Variants in CACNA1I observed in about 807,000 individuals in gnomAD.
CACNA1I encodes the protein voltage-dependent T-type calcium channel subunit alpha-1I.
In CACNA1I, 74 loss-of-function variants were observed where a neutral mutation model predicts 201.6. The observed-to-expected ratio is 0.37, with a 90% CI of 0.30 to 0.45. CACNA1I has a LOEUF of 0.45. CACNA1I is among the 20% of genes least tolerant of loss of function. CACNA1I has a pLI of 1.00. For missense variants in CACNA1I, 2,346 were observed against 3,138.1 expected (o/e 0.75, Z 6.03); for synonymous variants, 1,431 against 1,345.2 (o/e 1.06, Z -1.40).
In CACNA1I at chr22:39,662,325, G is replaced by A. The variant is rs758299547; in HGVS notation, c.3262G>A (p.Ala1088Thr). ...PRAAWRAAGP[A>T]PGHEDCNGRM... Reference sequence around the variant, plus strand: ...GGCCGCCTGGAGGGCGGCAGGCCCGGCCCCCGGGCATGAGGACTGCAATGG... The same window carrying A: ...GGCCGCCTGGAGGGCGGCAGGCCCGACCCCCGGGCATGAGGACTGCAATGG... The change falls in exon 17 of 37, where the codon GCC becomes ACC. Residue 1088 changes from alanine to threonine, a missense_variant. By Grantham distance (58) the Ala-to-Thr change is moderately conservative. Around this residue, in one of 13 missense-constraint regions of CACNA1I, gnomAD observed 288 missense variants for 255.2 expected, o/e 1.13. Transcript: ENST00000402142. 4.1e-6 allele frequency: 6 copies of A among 1,478,482 alleles called. No individual in the cohort carries two copies. In the South Asian group the frequency reaches 8.0e-5, roughly 20 times the overall value. The allele number at this position is 1,478,482 out of a possible 1,614,324, so 91.6% of individuals were successfully genotyped here.
At chr22:39,674,248 CTG>C (rs1244405859) in intron 29 of CACNA1I, among the ~76,000 whole-genome samples, 1 of 152,214 alleles carries the variant, frequency 6.6e-6, no homozygotes, top group Non-Finnish European at 1.5e-5. Context: ...CAGTGCCACT[CTG>C]TGTCCAGCCC....
At chr22:39,574,269 C>T (rs1405152644) in intron 1 of CACNA1I, among the ~76,000 whole-genome samples, 1 of 152,184 alleles carries the variant, frequency 6.6e-6, no homozygotes, top group African/African-American at 2.4e-5. Context: ...GGCTGTGATG[C>T]TGTGTGCCTA....
chr22:39,616,513 C>A (rs1933541708), intron 3 of CACNA1I, among the ~76,000 whole-genome samples: 1 of 151,890 alleles, frequency 6.6e-6, no homozygotes, highest in Admixed American at 6.6e-5. Flanking sequence ...GCCTGTAATC[C>A]CAGCACTTTG....
At chr22:39,678,980 C>A in intron 31 of CACNA1I, 127 bp from the exon 32 acceptor site, 1 of 704,530 alleles carries the variant, frequency 1.4e-6, no homozygotes, top group Non-Finnish European at 2.3e-6. Flanking sequence ...GGCAGGGCAG[C>A]CCGGGGCCAT....
At chr22:39,674,145 G>A in intron 29 of CACNA1I, 112 bp downstream of exon 29, 2 of 1,001,720 alleles carry the variant, frequency 2.0e-6, no homozygotes, top group Non-Finnish European at 3.0e-6. Context: ...AGCCAGGGCA[G>A]ATGCTGTCTC....
At chr22:39,617,409 C>T (rs918458096) in intron 3 of CACNA1I, among the ~76,000 whole-genome samples, 3 of 152,008 alleles carry the variant, frequency 2.0e-5, no homozygotes, top group African/African-American at 7.2e-5. Context: ...GGGACTGACT[C>T]CCCCCACCCC....
At chr22:39,667,944 G>A (rs1195707634) in intron 23 of CACNA1I, among the ~76,000 whole-genome samples, 1 of 152,146 alleles carries the variant, frequency 6.6e-6, no homozygotes, top group East Asian at 1.9e-4. Context: ...CAGCACACCT[G>A]CCAGAAAAGT....
chr22:39,620,026 TCC>T (rs1933684247), intron 4 of CACNA1I, among the ~76,000 whole-genome samples: 1 of 129,384 alleles, frequency 7.7e-6, no homozygotes, highest in African/African-American at 3.0e-5. Context: ...CATCCATCCA[TCC>T]ATCCATCCAT....
Position 39,684,271 on chromosome 22 carries a change from C to T in CACNA1I, c.5831-31C>T, listed in dbSNP as rs777091202. The T allele has an allele frequency of 2.5e-5, 40 of 1,606,084 alleles. No individual in the cohort carries two copies. Among genetic ancestry groups the T allele is most frequent in the Non-Finnish European group, 3.4e-5 (40 of 1,174,852 alleles). On this transcript the variant is annotated intron_variant, in intron 35 of 36. Coordinates refer to ENST00000402142, the MANE Select transcript of CACNA1I (RefSeq NM_021096.4). The surrounding 1 kb of genome is among the most constrained non-coding windows in gnomAD (Gnocchi z 4.6). ...GGCTGCCCCCTGGCCTGAGCGTGCTCCCTCAGCTCTGTCTTCTCCTTTCCC... is the reference window on the plus strand; with the variant it reads ...GGCTGCCCCCTGGCCTGAGCGTGCTTCCTCAGCTCTGTCTTCTCCTTTCCC...
chr22:39,593,887 A>G (rs1449145406), intron 1 of CACNA1I, among the ~76,000 whole-genome samples: 1 of 152,202 alleles, frequency 6.6e-6, no homozygotes, highest in Non-Finnish European at 1.5e-5. Context: ...ATGAGATAAC[A>G]TTTGGAAAAT....
intron 1 of CACNA1I, among the ~76,000 whole-genome samples, chr22:39,585,577 G>A (rs1932721748): frequency 6.8e-6 from 1 of 146,578 alleles, no homozygotes; most frequent in African/African-American, 2.5e-5. Flanking sequence ...TAGTAGAGAT[G>A]GAGTTTCACC....
chr22:39,641,296 C>G, intron 6 of CACNA1I, 114 bp downstream of exon 6: 1 of 844,848 alleles, frequency 1.2e-6, no homozygotes, highest in Non-Finnish European at 1.9e-6. Flanking sequence ...ACCTGCCCAG[C>G]TTGCTGGCAG....
intron 14 of CACNA1I, 80 bp from the exon 15 acceptor site, chr22:39,660,264 C>T: frequency 9.4e-7 from 1 of 1,060,192 alleles, no homozygotes; most frequent in Non-Finnish European, 1.4e-6. Flanking sequence ...GGTGGAAACA[C>T]CCATAGAAAA....
In CACNA1I at chr22:39,680,944, G is replaced by A; in HGVS notation, c.5556G>A (p.Glu1852=). Residue 1852 remains glutamate, a synonymous_variant, in exon 34 of 37, where the codon GAG becomes GAA. Coordinates refer to ENST00000402142, the MANE Select transcript of CACNA1I (RefSeq NM_021096.4). ...HHDKQEVQLA[E]TEAFSLNSDR... The stretch of plus-strand genomic sequence containing the variant: ...TCTTCCTGCAGGTGCAGCTGGCTGA[G>A]ACGGAGGCCTTCTCCCTGAACTCAG... 6.2e-7 allele frequency: 1 copy of A among 1,611,034 alleles called. No individual in the cohort carries two copies. Among genetic ancestry groups the A allele is most frequent in the Non-Finnish European group, 8.5e-7 (1 of 1,179,380 alleles).
chr22:39,577,418 C>T (rs1276612426), intron 1 of CACNA1I, among the ~76,000 whole-genome samples: 1 of 152,242 alleles, frequency 6.6e-6, no homozygotes, highest in Non-Finnish European at 1.5e-5. Flanking sequence ...CTGGTTTCAT[C>T]TGGCACTGGG....
Position 39,570,834 on chromosome 22 carries a change from C to A in CACNA1I, c.82C>A (p.Pro28Thr). 6.2e-7 allele frequency: 1 copy of A among 1,613,528 alleles called. No individual in the cohort carries two copies. The highest frequency in any genetic ancestry group is 2.2e-5 in the East Asian group (1 of 44,882). ...EPGVTTEQPG[P>T]RSPPSSPPGL... ...AGGAGTCACCACGGAGCAGCCCGGA[C>A]CCCGGAGCCCCCCATCCTCCCCGCC... Residue 28 changes from proline to threonine, a missense_variant, in exon 1 of 37, where the codon CCC becomes ACC. Pro to Thr is a conservative substitution (Grantham distance 38). Around this residue, in one of 13 missense-constraint regions of CACNA1I, gnomAD observed 130 missense variants for 160.7 expected, o/e 0.81. Transcript: ENST00000402142.
chr22:39,571,499 G>A (rs1932183054), intron 1 of CACNA1I, among the ~76,000 whole-genome samples: 1 of 152,142 alleles, frequency 6.6e-6, no homozygotes, highest in Non-Finnish European at 1.5e-5. Context: ...TGTTCCCCCT[G>A]CTTAAGACTG....
intron 4 of CACNA1I, among the ~76,000 whole-genome samples, chr22:39,630,030 G>A (rs986684966): frequency 6.6e-6 from 1 of 152,042 alleles, no homozygotes; most frequent in African/African-American, 2.4e-5. Flanking sequence ...CCCCCCAGCC[G>A]CATGGTCTCC....
chr22:39,616,304 C>T (rs972815798), intron 3 of CACNA1I, among the ~76,000 whole-genome samples: 12 of 152,130 alleles, frequency 7.9e-5, no homozygotes, highest in Admixed American at 7.9e-4. Context: ...TGATCAGCCT[C>T]CTGTGGCAAG....
Sources: gnomAD v4.1 joint callset for allele counts (sites outside exome capture counted in the v4.1 genomes callset) on GRCh38, gnomAD v4.1.1 for gene constraint, gnomAD v4.1.1 regional missense constraint, Gnocchi (gnomAD v3.1) non-coding constraint, MANE v1.5 for transcripts, NCBI Gene and HGNC (gene_info 2026-07-23, HGNC 2026-07-21) for gene names.